Variants in PIK3CB observed in about 807,000 individuals in gnomAD.
PIK3CB encodes phosphatidylinositol-4,5-bisphosphate 3-kinase catalytic subunit beta.
PIK3CB carries 39 observed loss-of-function variants against 136.8 expected under a neutral mutation model. That is an observed-to-expected ratio of 0.29 (90% CI 0.22 to 0.37). The LOEUF (loss-of-function observed/expected upper bound fraction) is 0.37, where lower values mean the gene tolerates loss of function less well. PIK3CB is among the 10% of genes least tolerant of loss of function. The pLI is 1.00. For synonymous variants in PIK3CB, 428 were observed against 436.6 expected (o/e 0.98, Z 0.25); for missense variants, 868 against 1,275.4 (o/e 0.68, Z 4.87).
chr3:138,815,082 G>A (rs1933244785), intron 1 of PIK3CB, among the ~76,000 whole-genome samples: 1 of 141,512 alleles, frequency 7.1e-6, no homozygotes, highest in East Asian at 2.1e-4. Flanking sequence ...GGAGCTTGCA[G>A]TGAGCCGTGA....
intron 13 of PIK3CB, among the ~76,000 whole-genome samples, chr3:138,695,393 T>C (rs1413442557): frequency 6.6e-6 from 1 of 152,168 alleles, no homozygotes; most frequent in Non-Finnish European, 1.5e-5. Flanking sequence ...CTGGGAGAGG[T>C]GGCCTGCAAG....
chr3:138,790,165 G>T (rs1004788798), intron 2 of PIK3CB, among the ~76,000 whole-genome samples: 3 of 152,054 alleles, frequency 2.0e-5, no homozygotes, highest in Admixed American at 1.3e-4. Context: ...ATAGAACAGT[G>T]GTTTCTCAGG....
chr3:138,705,667 AT>A (rs2044365093), intron 11 of PIK3CB, among the ~76,000 whole-genome samples: 1 of 152,240 alleles, frequency 6.6e-6, no homozygotes, highest in South Asian at 2.1e-4. Context: ...TATCTTAAGT[AT>A]TTATAAAGTA....
At chr3:138,714,815 C>T (rs530312690) in intron 8 of PIK3CB, 96 bp from the exon 9 acceptor site, 2 of 1,152,454 alleles carry the variant, frequency 1.7e-6, no homozygotes, top group East Asian at 2.5e-5. Flanking sequence ...ACACTAAAAA[C>T]ATCTTTATTT....
chr3:138,756,311 A>C (rs1439099758), intron 3 of PIK3CB, among the ~76,000 whole-genome samples: 1 of 152,212 alleles, frequency 6.6e-6, no homozygotes, highest in Non-Finnish European at 1.5e-5. Flanking sequence ...TAGTGCACAA[A>C]AAATGCATTA....
intron 9 of PIK3CB, among the ~76,000 whole-genome samples, chr3:138,713,057 T>C (rs959779775): frequency 2.0e-5 from 3 of 152,248 alleles, no homozygotes; most frequent in East Asian, 1.9e-4. Context: ...AATTTCACCA[T>C]AGTGTATCAA....
chr3:138,773,372 T>TA (rs1213052247), intron 2 of PIK3CB, among the ~76,000 whole-genome samples: 2 of 151,800 alleles, frequency 1.3e-5, no homozygotes, highest in Non-Finnish European at 2.9e-5. Flanking sequence ...GCCTGGGCGA[T>TA]AGAGTGAGTG....
At chr3:138,717,117 G>A (rs940449455) in intron 8 of PIK3CB, among the ~76,000 whole-genome samples, 5 of 151,340 alleles carry the variant, frequency 3.3e-5, no homozygotes, top group Middle Eastern at 3.2e-3. Flanking sequence ...AGCTGGGCAC[G>A]GTGGCACACG....
intron 2 of PIK3CB, among the ~76,000 whole-genome samples, chr3:138,781,829 A>T (rs911234572): frequency 6.6e-6 from 1 of 152,168 alleles, no homozygotes; most frequent in Admixed American, 6.5e-5. Context: ...CTGAAGTAAA[A>T]GAGGATCACT....
In PIK3CB at chr3:138,669,407, C is replaced by CA. The variant is rs10605665; in HGVS notation, c.2505-4205dup. ...GGGGTGATACAGTGAGACCCTGTTT[C>CA]AAAAAAAAAAAAAAAAAAAGGGGGG... On this transcript the variant is annotated intron_variant, in intron 19 of 23. Transcript: ENST00000674063. Among the ~76,000 whole-genome samples the CA allele has an allele frequency of 7.1e-3, 575 of 81,108 alleles. 8 individuals are homozygous for CA. Among genetic ancestry groups the CA allele is most frequent in the African/African-American group, 0.016 (327 of 20,206 alleles). The allele number at this position is 81,108 out of a possible 152,430, so 53.2% of individuals were successfully genotyped here.
intron 21 of PIK3CB, among the ~76,000 whole-genome samples, chr3:138,658,520 G>T (rs2043230793): frequency 6.6e-6 from 1 of 152,120 alleles, no homozygotes; most frequent in Non-Finnish European, 1.5e-5. Context: ...CTACTCTTTA[G>T]AGGTAACTTC....
chr3:138,668,851 C>T (rs767109512), intron 19 of PIK3CB, among the ~76,000 whole-genome samples: 2 of 152,184 alleles, frequency 1.3e-5, no homozygotes, highest in Non-Finnish European at 2.9e-5. Flanking sequence ...CCTCTAAGTC[C>T]CCACTACCCA....
At chr3:138,727,111 A>G (rs985061714) in intron 8 of PIK3CB, among the ~76,000 whole-genome samples, 5 of 152,146 alleles carry the variant, frequency 3.3e-5, no homozygotes, top group African/African-American at 1.2e-4. Flanking sequence ...AGGAAGCTAT[A>G]TGCTACAGAA....
intron 8 of PIK3CB, among the ~76,000 whole-genome samples, chr3:138,715,713 G>A (rs568135861): frequency 1.3e-5 from 2 of 151,720 alleles, no homozygotes; most frequent in East Asian, 1.9e-4. Context: ...AAATACTGAT[G>A]TAATCAGCAA....
chr3:138,811,977 G>C (rs1261340907), intron 1 of PIK3CB, among the ~76,000 whole-genome samples: 3 of 152,010 alleles, frequency 2.0e-5, no homozygotes, highest in South Asian at 2.1e-4. Flanking sequence ...GTAATTCTCA[G>C]CTACTTGGGA....
intron 6 of PIK3CB, among the ~76,000 whole-genome samples, chr3:138,737,394 C>CAAA (rs11344311): frequency 1.3e-4 from 5 of 39,064 alleles, no homozygotes; most frequent in African/African-American, 3.2e-4. Flanking sequence ...CACTCTGTCT[C>CAAA]AAAAAAAAAA....
intron 2 of PIK3CB, among the ~76,000 whole-genome samples, chr3:138,780,912 T>C (rs2045916373): frequency 6.6e-6 from 1 of 152,134 alleles, no homozygotes; most frequent in African/African-American, 2.4e-5. Context: ...CTAAAATTCC[T>C]GGCCTCAAGC....
At chr3:138,819,347 C>CAAA (rs201136042) in intron 1 of PIK3CB, among the ~76,000 whole-genome samples, 2 of 106,156 alleles carry the variant, frequency 1.9e-5, no homozygotes, top group Non-Finnish European at 4.1e-5. Context: ...ACTCCGTCTC[C>CAAA]AAAAAAAAAA....
intron 18 of PIK3CB, 162 bp from the exon 19 acceptor site, chr3:138,682,207 C>T: frequency 2.0e-6 from 1 of 510,070 alleles, no homozygotes; most frequent in Non-Finnish European, 3.5e-6. Flanking sequence ...ATAGCATGTC[C>T]CTGTGACATT....
Sources: allele counts gnomAD v4.1 joint callset (sites outside exome capture counted in the v4.1 genomes callset), GRCh38; gene constraint gnomAD v4.1.1; transcripts MANE v1.5; gene names NCBI Gene and HGNC (gene_info 2026-07-23, HGNC 2026-07-21).